The following ZRANB3 variants were observed in gnomAD, a reference collection of about 807,000 sequenced individuals.
ZRANB3 encodes zinc finger RANBP2-type containing 3, also known as DNA annealing helicase and endonuclease ZRANB3.
Under a neutral mutation model 133.8 loss-of-function variants are expected in ZRANB3, and 125 were observed. The ratio of observed to expected loss-of-function variants is 0.93; its 90% CI spans 0.81 to 1.08. The LOEUF is 1.08. ZRANB3 is among the 50% of genes least tolerant of loss of function. The pLI is 0.00. For synonymous variants in ZRANB3, 387 were observed against 432.7 expected (o/e 0.89, Z 1.31); for missense variants, 1,229 against 1,275.5 (o/e 0.96, Z 0.56).
At chr2:135,363,148 CA>C (rs1162863428) in intron 3 of ZRANB3, among the ~76,000 whole-genome samples, 1 of 152,114 alleles carries the variant, frequency 6.6e-6, no homozygotes. Flanking sequence ...CACACAGTGC[CA>C]AAAGAAGCAA....
At position 135,308,158 on chromosome 2, in the gene ZRANB3, A is replaced by AT. The variant is rs534291701; in HGVS notation, c.966+5330dup. 1.4e-3 allele frequency among the ~76,000 whole-genome samples: 216 copies of AT among 152,216 alleles called. 1 individual carries two copies. Among genetic ancestry groups the AT allele is most frequent in the African/African-American group, 5.0e-3 (208 of 41,536 alleles). ...CCTGTCCCCCACCACTAACAAAACT[A>AT]TGTCTTGTAACTGCAGGTGGTGCTA... On this transcript the variant is annotated intron_variant, in intron 8 of 20. Coordinates refer to ENST00000264159, the MANE Select transcript of ZRANB3 (RefSeq NM_032143.4).
intron 2 of ZRANB3, among the ~76,000 whole-genome samples, chr2:135,497,246 C>A (rs1692713842): frequency 6.6e-6 from 1 of 151,370 alleles, no homozygotes; most frequent in East Asian, 1.9e-4. Context: ...ATGACTTCTA[C>A]AATTTATATG....
At chr2:135,524,194 G>A (rs1261252195) in intron 1 of ZRANB3, among the ~76,000 whole-genome samples, 1 of 151,848 alleles carries the variant, frequency 6.6e-6, no homozygotes, top group African/African-American at 2.4e-5. Flanking sequence ...TCAAGCTCCT[G>A]CCTCAGCCTC....
intron 2 of ZRANB3, among the ~76,000 whole-genome samples, chr2:135,422,588 C>A (rs546941252): frequency 1.3e-3 from 196 of 152,084 alleles, no homozygotes; most frequent in South Asian, 2.9e-3. Context: ...ACTTGAAAAG[C>A]GCCTTAACAG....
intron 19 of ZRANB3, among the ~76,000 whole-genome samples, chr2:135,205,409 A>G (rs562853169): frequency 1.3e-5 from 2 of 152,308 alleles, no homozygotes; most frequent in African/African-American, 4.8e-5. Context: ...AGCTGGGACT[A>G]CAGGTGCATG....
In ZRANB3 at chr2:135,207,526, G is replaced by C. The variant is rs1166785422; in HGVS notation, c.2917C>G (p.Gln973Glu). The C allele has an allele frequency of 3.1e-6, 5 of 1,613,960 alleles. No individual in the cohort carries two copies. The highest frequency in any genetic ancestry group is 4.2e-6 in the Non-Finnish European group (5 of 1,179,876). The change falls in exon 19 of 21, where the codon CAA (glutamine) becomes GAA (glutamate). Residue 973 changes from glutamine (Q) to glutamate (E), a missense_variant. Physicochemically the swap from Gln to Glu is conservative, Grantham distance 29. Coordinates refer to ENST00000264159, the MANE Select transcript of ZRANB3 (RefSeq NM_032143.4). ...TCTCTCAGACGTAAAAAGAGTTCTT[G>C]TGCGTTCACATTACAGAGCTGACAC... ...GVCQLCNVNAQELFLRLRDAP... is the reference protein window; with the variant it reads ...GVCQLCNVNAEELFLRLRDAP...
intron 1 of ZRANB3, chr2:135,512,065 G>A (rs942564760): frequency 4.4e-5 from 21 of 482,338 alleles, no homozygotes; most frequent in African/African-American, 3.1e-4. Flanking sequence ...TCATGCAACT[G>A]TGTCCGCACC....
intron 12 of ZRANB3, among the ~76,000 whole-genome samples, chr2:135,256,324 C>CT (rs1192006160): frequency 6.6e-6 from 1 of 151,708 alleles, no homozygotes; most frequent in Non-Finnish European, 1.5e-5. Context: ...TAGCATGTAT[C>CT]TTTTTTTTGT....
intron 12 of ZRANB3, among the ~76,000 whole-genome samples, chr2:135,264,548 G>T (rs915844414): frequency 6.6e-6 from 1 of 151,408 alleles, no homozygotes; most frequent in South Asian, 2.1e-4. Flanking sequence ...ATTAATGAAC[G>T]CTAAAAACAC....
chr2:135,436,808 G>A (rs1689556983), intron 2 of ZRANB3, among the ~76,000 whole-genome samples: 1 of 151,984 alleles, frequency 6.6e-6, no homozygotes, highest in South Asian at 2.1e-4. Context: ...AATAGCCAAG[G>A]CAATCTTAAG....
At chr2:135,322,698 A>G (rs1183882489) in intron 6 of ZRANB3, among the ~76,000 whole-genome samples, 1 of 151,968 alleles carries the variant, frequency 6.6e-6, no homozygotes, top group African/African-American at 2.4e-5. Context: ...AGCTTGGGTG[A>G]CCAAGCAAGA....
At chr2:135,310,670 TTA>T (rs147465068) in intron 8 of ZRANB3, among the ~76,000 whole-genome samples, 15,799 of 151,794 alleles carry the variant, frequency 0.1, 1,079 homozygotes, top group South Asian at 0.32. Flanking sequence ...GTATTTTTAT[TTA>T]TATATATATT....
chr2:135,336,071 T>C (rs1007392085), intron 6 of ZRANB3, among the ~76,000 whole-genome samples: 1 of 152,222 alleles, frequency 6.6e-6, no homozygotes, highest in Non-Finnish European at 1.5e-5. Context: ...CAAATCATAT[T>C]TGTATTTATA....
chr2:135,512,016 C>A, intron 1 of ZRANB3: 1 of 642,528 alleles, frequency 1.6e-6, no homozygotes, highest in Non-Finnish European at 2.9e-6. Context: ...TGGAGAGGAA[C>A]TAACTCTGCT....
At chr2:135,251,662 C>T (rs1282976140) in intron 12 of ZRANB3, among the ~76,000 whole-genome samples, 7 of 152,114 alleles carry the variant, frequency 4.6e-5, no homozygotes, top group African/African-American at 4.8e-5. Flanking sequence ...TTTCTCTTGC[C>T]GCCAACATGT....
intron 8 of ZRANB3, among the ~76,000 whole-genome samples, chr2:135,282,319 G>A (rs1360729206): frequency 3.3e-5 from 5 of 152,180 alleles, no homozygotes; most frequent in East Asian, 3.9e-4. Context: ...ATTGTCTTCC[G>A]GTATCCCTTC....
At chr2:135,249,243 G>T (rs1679247384) in intron 12 of ZRANB3, among the ~76,000 whole-genome samples, 1 of 152,170 alleles carries the variant, frequency 6.6e-6, no homozygotes, top group South Asian at 2.1e-4. Flanking sequence ...TCCCATTACT[G>T]GGCATATGCC....
chr2:135,529,912 T>C (rs1026010794), intron 1 of ZRANB3, among the ~76,000 whole-genome samples: 2 of 151,788 alleles, frequency 1.3e-5, no homozygotes, highest in Non-Finnish European at 2.9e-5. Context: ...CTGTGACTCT[T>C]TTCCTTCCAA....
At position 135,510,921 on chromosome 2, in the gene ZRANB3, T is replaced by G. The variant is rs1693423723; in HGVS notation, c.-7-6425A>C. 29 of 1,053,818 alleles carry G rather than the reference T, an allele frequency of 2.8e-5. No homozygotes were observed. The South Asian group carries it at 3.5e-4, about 13-fold the overall frequency. 65.3% of individuals were successfully genotyped at this position (1,053,818 alleles called of 1,614,324 possible). A position where few individuals can be genotyped will look rare whatever the true frequency, so the allele number is the denominator to read the frequency against. Reference sequence around the variant, plus strand: ...ATGAGGCAGGTTGCCAATGAAGAGTTGGTGACTGTCAGGGTGTCTCACCAC... The same window carrying G: ...ATGAGGCAGGTTGCCAATGAAGAGTGGGTGACTGTCAGGGTGTCTCACCAC... On this transcript the variant is annotated intron_variant, in intron 1 of 20. Transcript: ENST00000264159.
Sources: allele counts gnomAD v4.1 joint callset (sites outside exome capture counted in the v4.1 genomes callset), GRCh38; gene constraint gnomAD v4.1.1; transcripts MANE v1.5; gene names NCBI Gene and HGNC (gene_info 2026-07-23, HGNC 2026-07-21).